The following TMPRSS11E variants were observed in gnomAD, a reference collection of about 807,000 sequenced individuals.
The protein encoded by TMPRSS11E is transmembrane serine protease 11E, also known as transmembrane protease serine 11E.
TMPRSS11E carries 38 observed loss-of-function variants against 48.1 expected under a neutral mutation model. That is an observed-to-expected ratio of 0.79 (90% confidence interval 0.61 to 1.04). The LOEUF is 1.04. Among genes scored for constraint, TMPRSS11E ranks in the 50% least tolerant of loss-of-function variants. The pLI is 0.00. For synonymous variants in TMPRSS11E, 158 were observed against 171.9 expected (o/e 0.92, Z 0.63); for missense variants, 530 against 510.8 (o/e 1.04, Z -0.36).
intron 3 of TMPRSS11E, 75 bp downstream of exon 3, chr4:68,466,827 A>C: frequency 3.2e-6 from 5 of 1,582,732 alleles, no homozygotes; most frequent in Non-Finnish European, 4.3e-6. Flanking sequence ...TAGCTTCTAA[A>C]AGATCCATTC....
Position 68,496,982 on chromosome 4 carries a change from T to G in TMPRSS11E, c.*178T>G. 1 of 579,344 alleles carries G rather than the reference T, an allele frequency of 1.7e-6. No homozygotes were observed. The highest frequency in any genetic ancestry group is 3.0e-6 in the Non-Finnish European group (1 of 331,738). The allele number at this position is 579,344 out of a possible 1,614,324, so 35.9% of individuals were successfully genotyped here. Reference sequence around the variant, plus strand: ...AGCTCTGTTCCGCACATAAGCATCCTGCTTCTGCCAGATCAACTCTGTCAT... The same window carrying G: ...AGCTCTGTTCCGCACATAAGCATCCGGCTTCTGCCAGATCAACTCTGTCAT... On this transcript the variant is annotated 3_prime_UTR_variant, in exon 10 of 10. Transcript: ENST00000305363.
intron 1 of TMPRSS11E, among the ~76,000 whole-genome samples, chr4:68,457,680 C>A (rs186985736): frequency 9.9e-5 from 15 of 152,060 alleles, no homozygotes; most frequent in Admixed American, 3.3e-4. Flanking sequence ...TTATACGTAT[C>A]TCATTTCTTC....
intron 1 of TMPRSS11E, among the ~76,000 whole-genome samples, chr4:68,448,525 G>A (rs1027224915): frequency 2.6e-5 from 4 of 151,756 alleles, no homozygotes; most frequent in African/African-American, 9.7e-5. Flanking sequence ...AGAAAACAGT[G>A]CTTCAAGAAA....
Position 68,468,927 on chromosome 4 carries a change from T to A in TMPRSS11E, c.307T>A (p.Ser103Thr). The A allele has an allele frequency of 6.2e-7, 1 of 1,611,504 alleles. No individual in the cohort carries two copies. The highest frequency in any genetic ancestry group is 8.5e-7 in the Non-Finnish European group (1 of 1,177,954). ...TCCATTAAGGGAAGAATTTGTCAAG[T>A]CTCAGGTTATCAAGTTCAGGTATGT... ...KSPLREEFVK[S>T]QVIKFSQQKH... Residue 103 changes from serine (S) to threonine (T), a missense_variant, in exon 4 of 10, where the codon TCT (serine) becomes ACT (threonine). By Grantham distance (58) the Ser-to-Thr change is moderately conservative. Transcript: ENST00000305363.
At chr4:68,492,386 G>T (rs1729751637) in intron 9 of TMPRSS11E, among the ~76,000 whole-genome samples, 1 of 152,146 alleles carries the variant, frequency 6.6e-6, no homozygotes. Context: ...CTTACCTGAG[G>T]TTGAAAAATG....
intron 9 of TMPRSS11E, among the ~76,000 whole-genome samples, chr4:68,481,423 A>AGT (rs1351559027): frequency 6.6e-6 from 1 of 152,196 alleles, no homozygotes; most frequent in African/African-American, 2.4e-5. Flanking sequence ...TCCCACGAGC[A>AGT]GTGTATAAGC....
intron 9 of TMPRSS11E, among the ~76,000 whole-genome samples, chr4:68,487,855 T>G (rs1729602859): frequency 6.7e-6 from 1 of 148,560 alleles, no homozygotes; most frequent in South Asian, 2.1e-4. Context: ...GCAGGAGAAT[T>G]GCTTTCACCT....
At chr4:68,496,577 G>GA (rs1472393414) in intron 9 of TMPRSS11E, 66 bp from the exon 10 acceptor site, 9 of 1,475,182 alleles carry the variant, frequency 6.1e-6, no homozygotes, top group Admixed American at 4.4e-5. Context: ...TCTTAAGTTA[G>GA]AAAAATAGCC....
chr4:68,491,326 T>C (rs1268427543), intron 9 of TMPRSS11E, among the ~76,000 whole-genome samples: 1 of 99,370 alleles, frequency 1.0e-5, no homozygotes, highest in African/African-American at 3.2e-5. Context: ...AAAAAAAAAT[T>C]GAGAGAGCTC....
chr4:68,495,974 C>T (rs1292564718), intron 9 of TMPRSS11E, among the ~76,000 whole-genome samples: 1 of 152,032 alleles, frequency 6.6e-6, no homozygotes, highest in Non-Finnish European at 1.5e-5. Context: ...TTATTACAAG[C>T]CATATAAAGA....
intron 1 of TMPRSS11E, among the ~76,000 whole-genome samples, chr4:68,450,704 A>G (rs532138372): frequency 2.2e-4 from 34 of 151,932 alleles, no homozygotes; most frequent in Non-Finnish European, 4.0e-4. Context: ...TTTTAAAAAC[A>G]TTTTAAAAAA....
intron 5 of TMPRSS11E, among the ~76,000 whole-genome samples, chr4:68,473,128 C>T (rs188993055): frequency 1.8e-4 from 28 of 152,110 alleles, no homozygotes; most frequent in Admixed American, 5.2e-4. Context: ...ACACTCTCTA[C>T]CTTCAGCTTA....
intron 9 of TMPRSS11E, 84 bp downstream of exon 9, chr4:68,479,075 A>T: frequency 6.5e-7 from 1 of 1,531,152 alleles, no homozygotes; most frequent in Admixed American, 1.9e-5. Context: ...GGAAGTTGCA[A>T]AGATAGTACA....
chr4:68,463,306 T>A (rs1728843531), intron 2 of TMPRSS11E, among the ~76,000 whole-genome samples: 1 of 151,904 alleles, frequency 6.6e-6, no homozygotes, highest in African/African-American at 2.4e-5. Flanking sequence ...GTAGCACACT[T>A]TTTTTTTGCT....
intron 1 of TMPRSS11E, among the ~76,000 whole-genome samples, chr4:68,458,245 G>C (rs1316875205): frequency 6.6e-6 from 1 of 151,928 alleles, no homozygotes; most frequent in Non-Finnish European, 1.5e-5. Flanking sequence ...TTTTGCTGTT[G>C]CTGCTGCTTT....
chr4:68,467,387 G>A (rs191050638), intron 3 of TMPRSS11E, among the ~76,000 whole-genome samples: 52 of 152,136 alleles, frequency 3.4e-4, no homozygotes, highest in African/African-American at 1.2e-3. Context: ...AAGAACAAGG[G>A]CCTAAGTGGT....
At chr4:68,468,679 A>G (rs1036883424) in intron 3 of TMPRSS11E, among the ~76,000 whole-genome samples, 200 bp from the exon 4 acceptor site, 1 of 152,038 alleles carries the variant, frequency 6.6e-6, no homozygotes, top group Non-Finnish European at 1.5e-5. Context: ...CCCTACTCCT[A>G]TCATTCCTAA....
intron 3 of TMPRSS11E, among the ~76,000 whole-genome samples, 157 bp from the exon 4 acceptor site, chr4:68,468,722 A>G (rs1326207710): frequency 6.6e-6 from 1 of 152,092 alleles, no homozygotes; most frequent in Non-Finnish European, 1.5e-5. Context: ...TGAGAAAACC[A>G]CAATAGATTC....
chr4:68,474,857 C>G, intron 6 of TMPRSS11E, 96 bp downstream of exon 6: 1 of 955,268 alleles, frequency 1.0e-6, no homozygotes, highest in Non-Finnish European at 1.6e-6. Context: ...ATCATAGGGA[C>G]AGAACACATA....
Sources: gnomAD v4.1 joint callset for allele counts (sites outside exome capture counted in the v4.1 genomes callset) on GRCh38, gnomAD v4.1.1 for gene constraint, MANE v1.5 for transcripts, NCBI Gene and HGNC (gene_info 2026-07-23, HGNC 2026-07-21) for gene names.